Variants in WDFY3 observed in about 807,000 individuals in gnomAD.
WDFY3 encodes the protein WD repeat and FYVE domain-containing protein 3.
WDFY3 carries 66 observed loss-of-function variants against 409.6 expected under a neutral mutation model. The ratio of observed to expected loss-of-function variants is 0.16; its 90% CI spans 0.13 to 0.20. The LOEUF (loss-of-function observed/expected upper bound fraction) is 0.20, where lower values mean the gene tolerates loss of function less well. WDFY3 is among the 10% of genes least tolerant of loss of function. The pLI is 1.00. For missense variants in WDFY3, 3,031 were observed against 4,298.1 expected (o/e 0.71, Z 8.24); for synonymous variants, 1,521 against 1,537.1 (o/e 0.99, Z 0.25).
chr4:84,900,154 AAAC>A (rs1390108547), intron 2 of WDFY3, among the ~76,000 whole-genome samples: 1 of 152,228 alleles, frequency 6.6e-6, no homozygotes, highest in Non-Finnish European at 1.5e-5. Flanking sequence ...CAAAGAATGG[AAAC>A]AACCCAAATG....
chr4:84,717,440 A>T (rs1287332898), intron 48 of WDFY3, among the ~76,000 whole-genome samples: 1 of 152,262 alleles, frequency 6.6e-6, no homozygotes, highest in Non-Finnish European at 1.5e-5. Context: ...AAAAGGACCC[A>T]CGAAAGACTT....
chr4:84,820,508 T>C lies in WDFY3; in HGVS notation c.1592-322A>G, dbSNP rs567622271. Among the ~76,000 whole-genome samples the C allele has an allele frequency of 3.9e-5, 6 of 152,196 alleles. No homozygotes were observed. In the South Asian group the frequency reaches 1.0e-3, roughly 26 times the overall value. ...GATGTCAACAGGAGAACGCTAGATT[T>C]TGATACACCAAAAAGAGAGAAAAGT... On this transcript the variant is annotated intron_variant, in intron 11 of 67. Transcript: ENST00000295888.
chr4:84,887,079 ATTTACACC>A (rs1470670558), intron 3 of WDFY3, among the ~76,000 whole-genome samples: 3 of 152,172 alleles, frequency 2.0e-5, no homozygotes, highest in Admixed American at 6.5e-5. Flanking sequence ...AACATGTGGC[ATTTACACC>A]ATGTGCCAGG....
chr4:84,740,108 T>C, intron 39 of WDFY3, 79 bp downstream of exon 39: 5 of 1,385,988 alleles, frequency 3.6e-6, no homozygotes, highest in Non-Finnish European at 5.1e-6. Flanking sequence ...GAAATGTTAC[T>C]ATCAAAAAAA....
Position 84,894,482 on chromosome 4 carries a change from A to G in WDFY3, c.-32+2429T>C, listed in dbSNP as rs1002838062. ...GAGACCATCCTGGCCAACACGGTGA[A>G]ACCCCATCTCTACTAAAAATTAGGC... On this transcript the variant is annotated intron_variant, in intron 3 of 67. Transcript: ENST00000295888. Among the ~76,000 whole-genome samples the G allele has an allele frequency of 3.3e-5, 5 of 152,158 alleles. No individual in the cohort carries two copies. The East Asian group carries it at 9.7e-4, about 30-fold the overall frequency.
chr4:84,753,313 T>A (rs1251008249), intron 35 of WDFY3, among the ~76,000 whole-genome samples: 4 of 152,188 alleles, frequency 2.6e-5, no homozygotes, highest in Non-Finnish European at 5.9e-5. Context: ...AAATACCTAC[T>A]TCCTAAAATA....
At chr4:84,699,888 C>T (rs1560553186) in intron 56 of WDFY3, among the ~76,000 whole-genome samples, 1 of 151,600 alleles carries the variant, frequency 6.6e-6, no homozygotes, top group African/African-American at 2.4e-5. Flanking sequence ...GCCCTTTGCC[C>T]ATTTTCCAAC....
At chr4:84,779,767 C>T (rs908809104) in intron 26 of WDFY3, among the ~76,000 whole-genome samples, 7 of 152,066 alleles carry the variant, frequency 4.6e-5, no homozygotes, top group South Asian at 2.1e-4. Flanking sequence ...GAATAGGACC[C>T]CATTTCATTT....
intron 4 of WDFY3, among the ~76,000 whole-genome samples, chr4:84,853,629 G>T (rs1759349130): frequency 6.6e-6 from 1 of 152,322 alleles, no homozygotes; most frequent in East Asian, 1.9e-4. Flanking sequence ...TTGAACAGTT[G>T]TTAAGGATAT....
intron 5 of WDFY3, among the ~76,000 whole-genome samples, chr4:84,845,291 G>A (rs1017228344): frequency 6.6e-6 from 1 of 152,170 alleles, no homozygotes; most frequent in African/African-American, 2.4e-5. Flanking sequence ...GAAAAAGTGT[G>A]TGAATGTAAA....
chr4:84,910,746 C>G (rs1325891211), intron 2 of WDFY3, among the ~76,000 whole-genome samples: 1 of 152,160 alleles, frequency 6.6e-6, no homozygotes, highest in African/African-American at 2.4e-5. Flanking sequence ...CACTCTGTCG[C>G]CCAGGCTGGA....
chr4:84,783,850 A>C (rs890440796), intron 24 of WDFY3, among the ~76,000 whole-genome samples: 1 of 147,010 alleles, frequency 6.8e-6, no homozygotes, highest in African/African-American at 2.6e-5. Context: ...AGATATGTAT[A>C]TGTGTCATAC....
intron 13 of WDFY3, among the ~76,000 whole-genome samples, chr4:84,816,526 C>G (rs1172799742): frequency 6.6e-6 from 1 of 152,172 alleles, no homozygotes; most frequent in East Asian, 1.9e-4. Context: ...ATGCATACAA[C>G]AGTACTAATA....
chr4:84,864,884 A>G (rs538366788), intron 3 of WDFY3, among the ~76,000 whole-genome samples: 55 of 151,478 alleles, frequency 3.6e-4, no homozygotes, highest in Non-Finnish European at 6.3e-4. Context: ...TCTGAAATAC[A>G]TAAATCTTTT....
rs139749842 is a variant in WDFY3, at chr4:84,949,274, G to T, written c.-225-16911C>A. 7.0e-4 allele frequency among the ~76,000 whole-genome samples: 106 copies of T among 152,164 alleles called. 1 individual carries two copies. The highest frequency in any genetic ancestry group is 2.5e-3 in the African/African-American group (105 of 41,512). On this transcript the variant is annotated intron_variant, in intron 1 of 67. Transcript: ENST00000295888. ...AACAGAAAATATACAAAAGAAAAAA[G>T]TTATTTTCTAAATGGCATAAGCTGG...
chr4:84,765,150 A>T (rs1204108587), intron 32 of WDFY3, among the ~76,000 whole-genome samples: 1 of 152,164 alleles, frequency 6.6e-6, no homozygotes, highest in Non-Finnish European at 1.5e-5. Context: ...TTAAATAAAG[A>T]CAGTATCTTC....
At chr4:84,871,693 G>C (rs1762154756) in intron 3 of WDFY3, among the ~76,000 whole-genome samples, 4 of 151,894 alleles carry the variant, frequency 2.6e-5, no homozygotes, top group Admixed American at 2.6e-4. Context: ...CTGGAGTGCA[G>C]GTGCAATCCC....
intron 5 of WDFY3, among the ~76,000 whole-genome samples, chr4:84,847,589 A>AC (rs1294619127): frequency 6.9e-6 from 1 of 144,428 alleles, no homozygotes; most frequent in African/African-American, 2.6e-5. Context: ...ACACAGTGAA[A>AC]CCCCGTCTCT....
intron 13 of WDFY3, among the ~76,000 whole-genome samples, chr4:84,811,824 G>C (rs535456356): frequency 1.3e-5 from 2 of 152,156 alleles, no homozygotes; most frequent in Admixed American, 1.3e-4. Context: ...CACCAGAAAG[G>C]TTTCGGATTT....
Sources: gnomAD v4.1 joint callset for allele counts (sites outside exome capture counted in the v4.1 genomes callset) on GRCh38, gnomAD v4.1.1 for gene constraint, MANE v1.5 for transcripts, NCBI Gene and HGNC (gene_info 2026-07-23, HGNC 2026-07-21) for gene names.